Variants in TMEM245 observed in about 807,000 individuals in gnomAD.
TMEM245 encodes the protein transmembrane protein 245, also known as protein CG-2.
Under a neutral mutation model 101.2 loss-of-function variants are expected in TMEM245, and 69 were observed. That is an observed-to-expected ratio of 0.68 (90% CI 0.56 to 0.83). The LOEUF (loss-of-function observed/expected upper bound fraction) is 0.83. Among genes scored for constraint, TMEM245 ranks in the 40% least tolerant of loss-of-function variants. TMEM245 has a pLI of 0.00. For synonymous variants in TMEM245, 537 were observed against 449.8 expected, an observed-to-expected ratio of 1.19 and a Z score of -2.45; for missense variants, 1,075 against 1,092.8, an observed-to-expected ratio of 0.98 and a Z score of 0.23.
At chr9:109,106,296 T>C (rs1830421892) in intron 3 of TMEM245, among the ~76,000 whole-genome samples, 1 of 151,550 alleles carries the variant, frequency 6.6e-6, no homozygotes, top group South Asian at 2.1e-4. Context: ...CAATGGCTTA[T>C]GGTTAACTTT....
In TMEM245 at chr9:109,015,450, G is replaced by A. The variant is rs1393219445; in HGVS notation, c.*5010C>T. The stretch of plus-strand genomic sequence containing the variant: ...TTACCTAAATAAGTGGCACTGCAAA[G>A]GGCAAAGAAGGGTTTTCTTTGGGAT... On this transcript the variant is annotated 3_prime_UTR_variant, in exon 18 of 18. Transcript: ENST00000374586. The A allele has an allele frequency of 3.2e-4, 49 of 152,246 alleles. No individual in the cohort carries two copies. Among genetic ancestry groups the A allele is most frequent in the Non-Finnish European group, 1.0e-4 (7 of 68,020 alleles). The allele number at this position is 152,246 out of a possible 1,614,324, so 9.4% of individuals were successfully genotyped here. A position where few individuals can be genotyped will look rare whatever the true frequency, so the allele number is the denominator to read the frequency against.
chr9:109,093,417 T>C (rs928486773), intron 4 of TMEM245, 58 bp downstream of exon 4: 2 of 1,435,814 alleles, frequency 1.4e-6, no homozygotes, highest in African/African-American at 1.4e-5. Context: ...TGAATTTTAC[T>C]TTCTATGTAC....
chr9:109,118,328 A>C (rs892563135), intron 1 of TMEM245, among the ~76,000 whole-genome samples: 1 of 152,244 alleles, frequency 6.6e-6, no homozygotes, highest in Non-Finnish European at 1.5e-5. Flanking sequence ...ATATTTTCCA[A>C]CTTAATGACG....
intron 14 of TMEM245, among the ~76,000 whole-genome samples, chr9:109,045,523 T>A (rs1297747594): frequency 1.3e-5 from 2 of 152,204 alleles, no homozygotes; most frequent in Non-Finnish European, 2.9e-5. Context: ...AATACATGGT[T>A]TTGTGTCCTT....
chr9:109,024,833 CAG>C (rs1288920512), intron 17 of TMEM245, among the ~76,000 whole-genome samples: 1 of 152,222 alleles, frequency 6.6e-6, no homozygotes, highest in African/African-American at 2.4e-5. Context: ...AGAAGTCTGA[CAG>C]GGCAAATTAA....
At chr9:109,068,690 A>G (rs1333066611) in intron 9 of TMEM245, among the ~76,000 whole-genome samples, 1 of 152,212 alleles carries the variant, frequency 6.6e-6, no homozygotes, top group East Asian at 1.9e-4. Context: ...TTGGCAATAA[A>G]AAAGAACAAA....
At chr9:109,021,029 T>C (rs998352174) in intron 17 of TMEM245, among the ~76,000 whole-genome samples, 2 of 152,226 alleles carry the variant, frequency 1.3e-5, no homozygotes, top group African/African-American at 4.8e-5. Context: ...TCAAGTGACC[T>C]TGTACTTGAA....
Position 109,018,866 on chromosome 9 carries a change from G to A in TMEM245, c.*1594C>T, listed in dbSNP as rs1036908104. The stretch of plus-strand genomic sequence containing the variant: ...TCCTCATACATCAGCCTCCTGAGTA[G>A]CTCAGACTATAGCCACACCACCGTG... On this transcript the variant is annotated 3_prime_UTR_variant, in exon 18 of 18. Coordinates refer to ENST00000374586, the MANE Select transcript of TMEM245 (RefSeq NM_032012.4). The A allele has an allele frequency of 2.0e-5, 3 of 149,002 alleles. No individual in the cohort carries two copies. Among genetic ancestry groups the A allele is most frequent in the African/African-American group, 7.5e-5 (3 of 39,906 alleles). 9.2% of individuals were successfully genotyped at this position (149,002 alleles called of 1,614,324 possible). A position where few individuals can be genotyped will look rare whatever the true frequency, so the allele number is the denominator to read the frequency against.
At chr9:109,076,490 C>A (rs1282926506) in intron 8 of TMEM245, among the ~76,000 whole-genome samples, 1 of 151,858 alleles carries the variant, frequency 6.6e-6, no homozygotes. Flanking sequence ...TGTAACAAAC[C>A]TGCACGTTGT....
At chr9:109,062,149 C>T (rs1829036176) in intron 10 of TMEM245, among the ~76,000 whole-genome samples, 1 of 152,060 alleles carries the variant, frequency 6.6e-6, no homozygotes, top group African/African-American at 2.4e-5. Flanking sequence ...GGATCACAGG[C>T]GCACTGACAC....
At chr9:109,077,774 T>C (rs748863789) in intron 8 of TMEM245, among the ~76,000 whole-genome samples, 5 of 152,244 alleles carry the variant, frequency 3.3e-5, no homozygotes, top group Non-Finnish European at 7.3e-5. Flanking sequence ...GTATGTTTTT[T>C]AATATTTTTA....
chr9:109,035,355 A>C (rs1828088186), intron 16 of TMEM245, among the ~76,000 whole-genome samples: 3 of 152,098 alleles, frequency 2.0e-5, no homozygotes, highest in Admixed American at 6.5e-5. Context: ...CTCAAGTTTT[A>C]ATGTGACTGA....
intron 1 of TMEM245, among the ~76,000 whole-genome samples, chr9:109,117,330 C>A (rs1016284505): frequency 1.3e-5 from 2 of 151,788 alleles, no homozygotes; most frequent in Non-Finnish European, 2.9e-5. Context: ...GTTGGCCAGG[C>A]TGGTCTTGAA....
At chr9:109,051,067 G>C (rs1268039507) in intron 12 of TMEM245, among the ~76,000 whole-genome samples, 1 of 151,876 alleles carries the variant, frequency 6.6e-6, no homozygotes, top group African/African-American at 2.4e-5. Context: ...GAGGCGGGTG[G>C]ATCACTTGAG....
chr9:109,117,450 T>G (rs1226653804), intron 1 of TMEM245, among the ~76,000 whole-genome samples: 2 of 152,190 alleles, frequency 1.3e-5, no homozygotes, highest in African/African-American at 4.8e-5. Context: ...ATTAATTAGT[T>G]TGACCTTCTT....
At chr9:109,118,585 T>C (rs1275010292) in intron 1 of TMEM245, among the ~76,000 whole-genome samples, 1 of 152,218 alleles carries the variant, frequency 6.6e-6, no homozygotes, top group Non-Finnish European at 1.5e-5. Flanking sequence ...CTCAGGTTAA[T>C]CCAAGCATCA....
intron 17 of TMEM245, among the ~76,000 whole-genome samples, chr9:109,023,316 G>C (rs1827688740): frequency 6.6e-6 from 1 of 152,160 alleles, no homozygotes; most frequent in Admixed American, 6.5e-5. Flanking sequence ...ATAGTCTAGA[G>C]ATGCAGAAAT....
chr9:109,035,106 G>A (rs558618510), intron 16 of TMEM245, among the ~76,000 whole-genome samples: 9 of 139,044 alleles, frequency 6.5e-5, no homozygotes, highest in South Asian at 2.3e-4. Context: ...GCAGTGAGGC[G>A]AGATTGCACC....
chr9:109,056,370 G>A (rs941821457), intron 12 of TMEM245, among the ~76,000 whole-genome samples: 1 of 138,476 alleles, frequency 7.2e-6, no homozygotes, highest in Non-Finnish European at 1.5e-5. Flanking sequence ...GAGGCAGGCA[G>A]ATCACTTGAG....
Sources: allele counts gnomAD v4.1 joint callset (sites outside exome capture counted in the v4.1 genomes callset), GRCh38; gene constraint gnomAD v4.1.1; transcripts MANE v1.5; gene names NCBI Gene and HGNC (gene_info 2026-07-23, HGNC 2026-07-21).